UGT1A4: variants seen among roughly 807,000 people sequenced by gnomAD.
UGT1A4 encodes the protein UDP-glucuronosyltransferase 1A4.
A neutral mutation model predicts 41.1 loss-of-function variants in UGT1A4; 32 were observed. That is an observed-to-expected ratio of 0.78 (90% CI 0.59 to 1.05). UGT1A4 has a LOEUF of 1.05. Among genes scored for constraint, UGT1A4 ranks in the 50% least tolerant of loss-of-function variants. The probability of loss-of-function intolerance (pLI) is 0.00; values close to 1 mark genes in which losing one functional copy is unlikely to be tolerated. For missense variants in UGT1A4, 748 were observed against 677.4 expected (o/e 1.10, Z -1.16); for synonymous variants, 283 against 265.1 (o/e 1.07, Z -0.66).
At chr2:233,736,121 A>G (rs1050675156) in intron 1 of UGT1A4, among the ~76,000 whole-genome samples, 2 of 152,066 alleles carry the variant, frequency 1.3e-5, no homozygotes, top group African/African-American at 4.8e-5. Context: ...ACTTGTTTCC[A>G]TTCTCCGCAT....
chr2:233,766,003 G>A (rs1430572640), intron 1 of UGT1A4, among the ~76,000 whole-genome samples: 1 of 152,074 alleles, frequency 6.6e-6, no homozygotes, highest in Non-Finnish European at 1.5e-5. Flanking sequence ...AGTGGGCGTG[G>A]GTTATGGCCT....
At chr2:233,738,082 A>T (rs1218405907) in intron 1 of UGT1A4, among the ~76,000 whole-genome samples, 1 of 152,110 alleles carries the variant, frequency 6.6e-6, no homozygotes, top group South Asian at 2.1e-4. Context: ...TCCTAATCTC[A>T]TCATAGTGAG....
intron 1 of UGT1A4, among the ~76,000 whole-genome samples, chr2:233,758,754 A>G (rs888171679): frequency 2.0e-5 from 3 of 152,132 alleles, no homozygotes; most frequent in African/African-American, 7.2e-5. Context: ...CTGGCCAGTG[A>G]TGTGTATGGT....
chr2:233,760,472 C>G lies in UGT1A4; in HGVS notation c.868-6562C>G, dbSNP rs1344623676. 2 of 1,614,230 alleles carry G rather than the reference C, an allele frequency of 1.2e-6. No individual in the cohort carries two copies. The highest frequency in any genetic ancestry group is 1.7e-6 in the Non-Finnish European group (2 of 1,180,034). ...GGACATGAAATAGTTGTCCTAGCACCTGACGCCTCGTTGTACATCAGAGAC... is the reference window on the plus strand; with the variant it reads ...GGACATGAAATAGTTGTCCTAGCACGTGACGCCTCGTTGTACATCAGAGAC... On this transcript the variant is annotated intron_variant, in intron 1 of 4. Coordinates refer to ENST00000373409, the MANE Select transcript of UGT1A4 (RefSeq NM_007120.3).
chr2:233,719,554 T>C lies in UGT1A4; in HGVS notation c.734T>C (p.Val245Ala). Residue 245 changes from valine (V) to alanine (A), a missense_variant, in exon 1 of 5, where the codon GTG becomes GCG. Physicochemically the swap from Val to Ala is moderately conservative, Grantham distance 64 (BLOSUM62 0). Coordinates refer to ENST00000373409, the MANE Select transcript of UGT1A4 (RefSeq NM_007120.3). ...GAGCTTTTTCAGAGAGAGGTGTCAGTGGTGGATCTTGTCAGCTATGCATCC... is the reference window on the plus strand; with the variant it reads ...GAGCTTTTTCAGAGAGAGGTGTCAGCGGTGGATCTTGTCAGCTATGCATCC... The part of the protein sequence containing the change: ...ASELFQREVS[V>A]VDLVSYASVW... The C allele has an allele frequency of 6.2e-7, 1 of 1,613,912 alleles. No individual in the cohort carries two copies.
chr2:233,745,338 A>T lies in UGT1A4; in HGVS notation c.868-21696A>T, dbSNP rs565612187. Among the ~76,000 whole-genome samples, 7 of 151,968 alleles carry T rather than the reference A, an allele frequency of 4.6e-5. No individual in the cohort carries two copies. The East Asian group carries it at 1.2e-3, about 25-fold the overall frequency. ...CCACTAGAACTGCTATATCATGACC[A>T]TGAATTTTGGGGGAATTTTTTTGAG... On this transcript the variant is annotated intron_variant, in intron 1 of 4. Transcript: ENST00000373409.
rs548179341 is a variant in UGT1A4 at position 233,739,425 on chromosome 2, G to A, written c.867+19738G>A. ...GCCACCCTCTGAAAGCAGCCAGGACGAGGGCTTTACCCTGCAAAGCCACAG... is the reference window on the plus strand; with the variant it reads ...GCCACCCTCTGAAAGCAGCCAGGACAAGGGCTTTACCCTGCAAAGCCACAG... On this transcript the variant is annotated intron_variant, in intron 1 of 4. Transcript: ENST00000373409. Among the ~76,000 whole-genome samples the A allele has an allele frequency of 5.9e-5, 9 of 152,320 alleles. No individual in the cohort carries two copies. The East Asian group carries it at 7.7e-4, about 13-fold the overall frequency.
At position 233,758,069 on chromosome 2, in the gene UGT1A4, G is replaced by A. The variant is rs148016926; in HGVS notation, c.868-8965G>A. Among the ~76,000 whole-genome samples, 50 of 152,242 alleles carry A rather than the reference G, an allele frequency of 3.3e-4. No individual in the cohort carries two copies. In the East Asian group the frequency reaches 8.9e-3, roughly 27 times the overall value. ...AGGACCATTTCTAACTTGACTTTCT[G>A]GGCCTAGTTCCTAGCATAGTGACTG... On this transcript the variant is annotated intron_variant, in intron 1 of 4. Transcript: ENST00000373409.
At chr2:233,755,268 A>G (rs983713744) in intron 1 of UGT1A4, 4 of 766,442 alleles carry the variant, frequency 5.2e-6, no homozygotes, top group Non-Finnish European at 5.9e-6. Context: ...GTAGTCCACT[A>G]TGCTGGACTG....
At chr2:233,743,173 A>G (rs890417229) in intron 1 of UGT1A4, 7 of 365,612 alleles carry the variant, frequency 1.9e-5, no homozygotes, top group African/African-American at 1.5e-4. Flanking sequence ...GCTTAAAGTC[A>G]AATGTGGACT....
rs537799034 is a variant in UGT1A4 at position 233,731,712 on chromosome 2, C to T, written c.867+12025C>T. Among the ~76,000 whole-genome samples, 65 of 152,262 alleles carry T rather than the reference C, an allele frequency of 4.3e-4. No individual in the cohort carries two copies. The South Asian group carries it at 0.013, about 30-fold the overall frequency. ...ATGGACATTTGGATTGGTTCCAGGT[C>T]TTTGCTATTGTGAATAGTGCCACAA... On this transcript the variant is annotated intron_variant, in intron 1 of 4. Coordinates refer to ENST00000373409, the MANE Select transcript of UGT1A4 (RefSeq NM_007120.3).
chr2:233,719,472 C>G lies in UGT1A4; in HGVS notation c.652C>G (p.Leu218Val). The G allele has an allele frequency of 6.2e-7, 1 of 1,614,022 alleles. No homozygotes were observed. Among genetic ancestry groups the G allele is most frequent in the Non-Finnish European group, 8.5e-7 (1 of 1,179,874 alleles). Residue 218 changes from leucine to valine, a missense_variant, in exon 1 of 5, where the codon CTG (leucine) becomes GTG (valine). Transcript: ENST00000373409. Reference protein sequence around the residue: ...LQRVKNMLYPLALSYICHTFS... With the variant: ...LQRVKNMLYPVALSYICHTFS... ...AAGGGTCAAGAACATGCTCTACCCTCTGGCCCTGTCCTACATTTGCCATAC... is the reference window on the plus strand; with the variant it reads ...AAGGGTCAAGAACATGCTCTACCCTGTGGCCCTGTCCTACATTTGCCATAC...
intron 1 of UGT1A4, among the ~76,000 whole-genome samples, chr2:233,761,833 G>A (rs549701832): frequency 6.6e-6 from 1 of 152,304 alleles, no homozygotes; most frequent in Admixed American, 6.5e-5. Flanking sequence ...CAGATGGAGC[G>A]TTAGGGAATT....
rs763548038 is a variant in UGT1A4 at position 233,772,319 on chromosome 2, G to A, written c.1365G>A (p.Pro455=). The A allele has an allele frequency of 6.2e-6, 10 of 1,614,046 alleles. No homozygotes were observed. The highest frequency in any genetic ancestry group is 7.6e-6 in the Non-Finnish European group (9 of 1,180,038). The change falls in exon 5 of 5, where the codon CCG becomes CCA. Residue 455 remains proline (P), a synonymous_variant. Coordinates refer to ENST00000373409, the MANE Select transcript of UGT1A4 (RefSeq NM_007120.3). ...TTCACAAGGACCGCCCGGTGGAGCC[G>A]CTGGACCTGGCCGTGTTCTGGGTGG... ...SSLHKDRPVE[P]LDLAVFWVEF...
chr2:233,759,816 G>T (rs540177588), intron 1 of UGT1A4, among the ~76,000 whole-genome samples: 2 of 152,284 alleles, frequency 1.3e-5, no homozygotes, highest in East Asian at 3.9e-4. Context: ...AGGCAGTACC[G>T]GGGGAGCTGT....
chr2:233,741,163 A>G (rs1015106485), intron 1 of UGT1A4, among the ~76,000 whole-genome samples: 3 of 151,960 alleles, frequency 2.0e-5, no homozygotes, highest in Non-Finnish European at 2.9e-5. Flanking sequence ...AATCCAGGAT[A>G]TATCAAAACT....
rs777238544 is a variant in UGT1A4, at chr2:233,768,345, A to G, written c.1213A>G (p.Met405Val). ...FGDQMDNAKRMETKGAGVTLN... is the reference protein window; with the variant it reads ...FGDQMDNAKRVETKGAGVTLN... ...TGATCAGATGGACAATGCAAAGCGC[A>G]TGGAGACTAAGGGAGCTGGAGTGAC... Residue 405 changes from methionine (M) to valine (V), a missense_variant, in exon 4 of 5, where the codon ATG (methionine) becomes GTG (valine). Coordinates refer to ENST00000373409, the MANE Select transcript of UGT1A4 (RefSeq NM_007120.3). 3 of 1,614,098 alleles carry G rather than the reference A, an allele frequency of 1.9e-6. No individual in the cohort carries two copies. Among genetic ancestry groups the G allele is most frequent in the Non-Finnish European group, 2.5e-6 (3 of 1,180,044 alleles).
chr2:233,729,112 G>C, intron 1 of UGT1A4: 1 of 1,612,932 alleles, frequency 6.2e-7, no homozygotes, highest in Non-Finnish European at 8.5e-7. Flanking sequence ...TCAGCTGTCC[G>C]TGTCTTCTGC....
chr2:233,729,564 T>C (rs537662273), intron 1 of UGT1A4: 126 of 1,614,046 alleles, frequency 7.8e-5, no homozygotes, highest in Non-Finnish European at 1.0e-4. Context: ...CTACTTCCTT[T>C]GATGTGGTTT....
Sources: allele counts gnomAD v4.1 joint callset (sites outside exome capture counted in the v4.1 genomes callset), GRCh38; gene constraint gnomAD v4.1.1; transcripts MANE v1.5; gene names NCBI Gene and HGNC (gene_info 2026-07-23, HGNC 2026-07-21).